The following PPP2R5C variants were observed in gnomAD, a reference collection of about 807,000 sequenced individuals.
PPP2R5C encodes protein phosphatase 2 regulatory subunit B'gamma.
A neutral mutation model predicts 68.9 loss-of-function variants in PPP2R5C; 7 were observed. The observed-to-expected ratio is 0.10, with a 90% CI of 0.06 to 0.19. PPP2R5C has a LOEUF of 0.19. PPP2R5C is among the 10% of genes least tolerant of loss of function. PPP2R5C has a pLI of 1.00. For synonymous variants in PPP2R5C, 210 were observed against 222.2 expected (o/e 0.95, Z 0.49); for missense variants, 348 against 641.3 (o/e 0.54, Z 4.94).
chr14:101,833,190 C>T (rs978191915), intron 1 of PPP2R5C, among the ~76,000 whole-genome samples: 24 of 152,246 alleles, frequency 1.6e-4, no homozygotes, highest in African/African-American at 5.8e-4. Context: ...CGCCAAGCCG[C>T]CCTGGAGTGT....
intron 1 of PPP2R5C, among the ~76,000 whole-genome samples, chr14:101,845,443 G>A (rs750431712): frequency 4.6e-5 from 7 of 151,478 alleles, no homozygotes; most frequent in African/African-American, 7.3e-5. Flanking sequence ...CTCTCCATCC[G>A]GGGCGCCTCT....
intron 13 of PPP2R5C, among the ~76,000 whole-genome samples, chr14:101,918,199 T>C (rs2046791998): frequency 6.6e-6 from 1 of 152,024 alleles, no homozygotes. Context: ...ATCCCAACTC[T>C]TAACTGTTCT....
rs144773955 is a variant in PPP2R5C, at chr14:101,840,936, G to C, written c.95-15750G>C. Among the ~76,000 whole-genome samples the C allele has an allele frequency of 6.8e-4, 104 of 152,294 alleles. 1 individual carries two copies. Among genetic ancestry groups the C allele is most frequent in the African/African-American group, 2.4e-3 (99 of 41,572 alleles). ...CTTCCGTTGGTTGCTTCCATTAGTT[G>C]CTTCTGTTACCATCAGGAGAGTAAC... On this transcript the variant is annotated intron_variant, in intron 1 of 13. Coordinates refer to ENST00000334743, the Ensembl canonical transcript of PPP2R5C.
Position 101,901,700 on chromosome 14 carries a change from C to T in PPP2R5C, c.853-19C>T, listed in dbSNP as rs370466521. 3.5e-5 allele frequency: 57 copies of T among 1,611,742 alleles called. No individual in the cohort carries two copies. The African/African-American group carries it at 4.8e-4, about 14-fold the overall frequency. Reference sequence around the variant, plus strand: ...GGCCTCGTGGGCATCAGTCACTCCACGTGTCATTTCTTTTGTAGGTGGTGA... The same window carrying T: ...GGCCTCGTGGGCATCAGTCACTCCATGTGTCATTTCTTTTGTAGGTGGTGA... On this transcript the variant is annotated intron_variant, in intron 8 of 13. Transcript: ENST00000334743.
At chr14:101,831,207 A>T (rs1460418675) in intron 1 of PPP2R5C, among the ~76,000 whole-genome samples, 3 of 152,226 alleles carry the variant, frequency 2.0e-5, no homozygotes. Flanking sequence ...TTTACCATAA[A>T]TGAAATATGA....
At chr14:101,853,594 A>G (rs1014114025) in intron 1 of PPP2R5C, among the ~76,000 whole-genome samples, 1 of 152,182 alleles carries the variant, frequency 6.6e-6, no homozygotes, top group African/African-American at 2.4e-5. Flanking sequence ...ATTTTGAGGC[A>G]TGTAAGAGTG....
intron 1 of PPP2R5C, chr14:101,818,583 G>A (rs889598573): frequency 2.5e-5 from 4 of 160,654 alleles, no homozygotes; most frequent in Admixed American, 1.2e-4. Context: ...GCAGTGAGCC[G>A]AGATCACGCC....
chr14:101,814,480 A>G (rs982684405), intron 1 of PPP2R5C, among the ~76,000 whole-genome samples: 1 of 152,234 alleles, frequency 6.6e-6, no homozygotes, highest in South Asian at 2.1e-4. Flanking sequence ...TTCCTTAAAC[A>G]CACACACATT....
intron 2 of PPP2R5C, among the ~76,000 whole-genome samples, chr14:101,783,970 G>A (rs561777202): frequency 6.6e-6 from 1 of 152,300 alleles, no homozygotes; most frequent in East Asian, 1.9e-4. Flanking sequence ...GGAGGAGCTG[G>A]TTATGGAGGG....
intron 1 of PPP2R5C, among the ~76,000 whole-genome samples, chr14:101,848,479 C>T (rs1160156435): frequency 6.6e-6 from 1 of 151,374 alleles, no homozygotes; most frequent in East Asian, 1.9e-4. Flanking sequence ...TGCAGTAAGC[C>T]GAGAGCCAAG....
At chr14:101,838,341 A>G (rs908171764) in intron 1 of PPP2R5C, among the ~76,000 whole-genome samples, 1 of 152,202 alleles carries the variant, frequency 6.6e-6, no homozygotes, top group Non-Finnish European at 1.5e-5. Context: ...GAATCTGAAA[A>G]TGGCATTTTG....
chr14:101,765,485 C>T, intron 2 of PPP2R5C: 1 of 540,942 alleles, frequency 1.8e-6, no homozygotes, highest in Non-Finnish European at 3.3e-6. Flanking sequence ...TTTCCCTCTC[C>T]TCTCTCTCAG....
intron 2 of PPP2R5C, among the ~76,000 whole-genome samples, chr14:101,775,534 C>G (rs985495027): frequency 6.6e-6 from 1 of 152,200 alleles, no homozygotes; most frequent in African/African-American, 2.4e-5. Flanking sequence ...CTGTTAGAAA[C>G]TAATGGGGCG....
At chr14:101,871,614 A>AT (rs1396576817) in intron 2 of PPP2R5C, among the ~76,000 whole-genome samples, 2 of 152,104 alleles carry the variant, frequency 1.3e-5, no homozygotes, top group Non-Finnish European at 2.9e-5. Flanking sequence ...TTTTCATGTG[A>AT]TTATGAATGT....
chr14:101,829,564 C>T (rs925692707), intron 1 of PPP2R5C, among the ~76,000 whole-genome samples: 1 of 152,200 alleles, frequency 6.6e-6, no homozygotes, highest in Non-Finnish European at 1.5e-5. Flanking sequence ...ACTGATCGTG[C>T]TTTACTTTTA....
chr14:101,784,510 T>TTG (rs2037992554), intron 2 of PPP2R5C, among the ~76,000 whole-genome samples: 1 of 123,478 alleles, frequency 8.1e-6, no homozygotes, highest in Non-Finnish European at 1.7e-5. Context: ...AGAGAGAAAG[T>TTG]GGGGGGGGGG....
chr14:101,816,859 T>A (rs1285202486), intron 1 of PPP2R5C, among the ~76,000 whole-genome samples: 1 of 142,676 alleles, frequency 7.0e-6, no homozygotes, highest in African/African-American at 2.6e-5. Context: ...GAAATAAATA[T>A]ATATATTTAT....
intron 1 of PPP2R5C, among the ~76,000 whole-genome samples, chr14:101,848,035 T>G (rs976253816): frequency 6.6e-6 from 1 of 152,208 alleles, no homozygotes; most frequent in Non-Finnish European, 1.5e-5. Context: ...ATGCTTTAGA[T>G]CTGATAAGCA....
rs1333731562 is a variant in PPP2R5C at position 101,917,061 on chromosome 14, A to G, written c.1327-770A>G. 6.6e-6 allele frequency among the ~76,000 whole-genome samples: 1 copy of G among 152,136 alleles called. No individual in the cohort carries two copies. Among genetic ancestry groups the G allele is most frequent in the Non-Finnish European group, 1.5e-5 (1 of 68,004 alleles). ...CTCAGAGCCAGCAGACGCTCGTCAC[A>G]GTCATACTGTCCTGTGCACCCTGTC... On this transcript the variant is annotated intron_variant, in intron 12 of 13. Transcript: ENST00000334743. This position sits in a 1 kb window ranked among gnomAD's most constrained non-coding sequence, Gnocchi z 4.4.
Sources: allele counts gnomAD v4.1 joint callset (sites outside exome capture counted in the v4.1 genomes callset), GRCh38; gene constraint gnomAD v4.1.1; non-coding constraint Gnocchi (gnomAD v3.1); transcripts MANE v1.5; gene names NCBI Gene and HGNC (gene_info 2026-07-23, HGNC 2026-07-21).